The following PLIN3 variants were observed in gnomAD, a reference collection of about 807,000 sequenced individuals.
The protein encoded by PLIN3 is perilipin-3.
A neutral mutation model predicts 35.9 loss-of-function variants in PLIN3; 30 were observed. That is an observed-to-expected ratio of 0.84 (90% confidence interval 0.62 to 1.13). The LOEUF is 1.13. PLIN3 is among the 50% of genes most tolerant of loss of function. The pLI is 0.00. For missense variants in PLIN3, 603 were observed against 596.9 expected, an observed-to-expected ratio of 1.01 and a Z score of -0.11; for synonymous variants, 261 against 262.5, an observed-to-expected ratio of 0.99 and a Z score of 0.06.
rs138348838 is a variant in PLIN3 at position 4,840,827 on chromosome 19, C to T, written c.961-1291G>A. 2.3e-3 allele frequency among the ~76,000 whole-genome samples: 351 copies of T among 152,252 alleles called. 2 individuals carry two copies. Among genetic ancestry groups the T allele is most frequent in the South Asian group, 9.3e-3 (45 of 4,826 alleles). On this transcript the variant is annotated intron_variant, in intron 7 of 7. Transcript: ENST00000221957. ...GGGTGTGGTGGCATGTGCCTATAAT[C>T]CCAGCTACACAGGAAGCTGAGGCAG...
chr19:4,840,709 T>C (rs2029878989), intron 7 of PLIN3, among the ~76,000 whole-genome samples: 1 of 152,156 alleles, frequency 6.6e-6, no homozygotes, highest in South Asian at 2.1e-4. Flanking sequence ...CCCAGCACTT[T>C]GGGAGGCCAA....
intron 4 of PLIN3, among the ~76,000 whole-genome samples, chr19:4,859,317 T>A (rs1367889326): frequency 4.0e-5 from 6 of 151,836 alleles, no homozygotes; most frequent in Non-Finnish European, 2.9e-5. Flanking sequence ...AGGTCAGGAG[T>A]TCGAGACCAG....
At position 4,859,970 on chromosome 19, in the gene PLIN3, T is replaced by C. The variant is rs771518518; in HGVS notation, c.121A>G (p.Met41Val). The C allele has an allele frequency of 1.9e-6, 3 of 1,613,966 alleles. No homozygotes were observed. Among genetic ancestry groups the C allele is most frequent in the African/African-American group, 1.3e-5 (1 of 74,922 alleles). Residue 41 changes from methionine (M) to valine (V), a missense_variant, in exon 3 of 8, where the codon ATG becomes GTG. Physicochemically the swap from Met to Val is conservative, Grantham distance 21. Transcript: ENST00000221957. ...SMPLISSTCDMVSAAYASTKE... is the reference protein window; with the variant it reads ...SMPLISSTCDVVSAAYASTKE... Reference sequence around the variant, plus strand: ...GTGGAGGCATAGGCTGCGGACACCATGTCGCAGGTGGAGCTGATCAGAGGC... The same window carrying C: ...GTGGAGGCATAGGCTGCGGACACCACGTCGCAGGTGGAGCTGATCAGAGGC...
In PLIN3 at chr19:4,847,840, G is replaced by A. The variant is rs377622855; in HGVS notation, c.685C>T (p.Gln229Ter). Residue 229 changes from glutamine to a stop codon, truncating the protein, a stop_gained, in exon 6 of 8, where the codon CAG becomes TAG. Transcript: ENST00000221957. LOFTEE classifies it high-confidence loss of function. ...ACGAAGTAGCTCTGTTCCTGCCGCT[G>A]CTGCTGCACGGACGCGACGTCAAAG... ...DGFDVASVQQ[Q>*]RQEQSYFVRL... 7 of 1,613,858 alleles carry A rather than the reference G, an allele frequency of 4.3e-6. No individual in the cohort carries two copies. Among genetic ancestry groups the A allele is most frequent in the Non-Finnish European group, 5.9e-6 (7 of 1,179,976 alleles).
intron 7 of PLIN3, among the ~76,000 whole-genome samples, chr19:4,839,767 G>A (rs1236269007): frequency 3.1e-4 from 44 of 142,546 alleles, no homozygotes; most frequent in African/African-American, 7.5e-4. Context: ...TCAGGTTCGC[G>A]CCATTCTCCT....
chr19:4,864,565 C>A (rs1331040377), intron 1 of PLIN3, among the ~76,000 whole-genome samples: 1 of 151,852 alleles, frequency 6.6e-6, no homozygotes, highest in African/African-American at 2.4e-5. Flanking sequence ...GATCTGCCCA[C>A]CTTGGCCTCC....
chr19:4,856,228 C>T (rs765283919), intron 4 of PLIN3, among the ~76,000 whole-genome samples: 75 of 152,208 alleles, frequency 4.9e-4, no homozygotes, highest in Non-Finnish European at 9.1e-4. Context: ...TCTGTAACCA[C>T]TGGGCTGAAG....
chr19:4,838,787 G>C lies in PLIN3; in HGVS notation c.*405C>G, dbSNP rs537340606. The C allele has an allele frequency of 6.5e-6, 1 of 153,250 alleles. No homozygotes were observed. The highest frequency in any genetic ancestry group is 2.1e-4 in the South Asian group (1 of 4,842). The allele number at this position is 153,250 out of a possible 1,614,324, so 9.5% of individuals were successfully genotyped here. A position where few individuals can be genotyped will look rare whatever the true frequency, so the allele number is the denominator to read the frequency against. ...GTAGAGACGGGGTTTCACCATGTTG[G>C]CCTGGCTGGTCTCGAACACCTGACC... On this transcript the variant is annotated 3_prime_UTR_variant, in exon 8 of 8. Transcript: ENST00000221957.
At chr19:4,864,179 G>C (rs1347269870) in intron 1 of PLIN3, among the ~76,000 whole-genome samples, 1 of 148,870 alleles carries the variant, frequency 6.7e-6, no homozygotes, top group Non-Finnish European at 1.5e-5. Context: ...TGGACAGGGA[G>C]TCTTGCTCTG....
chr19:4,863,378 T>G (rs1396820225), intron 1 of PLIN3, among the ~76,000 whole-genome samples: 1 of 147,788 alleles, frequency 6.8e-6, no homozygotes, highest in Non-Finnish European at 1.5e-5. Flanking sequence ...ATGCCTGTAA[T>G]CCCAGCTATT....
chr19:4,851,710 A>T (rs978491762), intron 5 of PLIN3, among the ~76,000 whole-genome samples: 1 of 151,754 alleles, frequency 6.6e-6, no homozygotes, highest in Non-Finnish European at 1.5e-5. Flanking sequence ...TGTGACGAGG[A>T]CTTGGGCTTT....
chr19:4,860,099 G>C, intron 2 of PLIN3, 75 bp from the exon 3 acceptor site: 9 of 1,353,650 alleles, frequency 6.6e-6, no homozygotes, highest in Non-Finnish European at 9.4e-6. Context: ...AGGGTGCCCT[G>C]CAGTTTTGCT....
At chr19:4,852,960 A>G (rs1398093455) in intron 4 of PLIN3, among the ~76,000 whole-genome samples, 3 of 151,882 alleles carry the variant, frequency 2.0e-5, no homozygotes, top group African/African-American at 4.8e-5. Flanking sequence ...GATTACAGGC[A>G]TGCGCCACCA....
intron 5 of PLIN3, among the ~76,000 whole-genome samples, chr19:4,850,762 G>T (rs1206875669): frequency 6.6e-6 from 1 of 151,560 alleles, no homozygotes; most frequent in Non-Finnish European, 1.5e-5. Context: ...GTAGAGACCG[G>T]GTTTCACCAT....
chr19:4,860,617 G>A (rs560777254), intron 2 of PLIN3, among the ~76,000 whole-genome samples: 179 of 152,262 alleles, frequency 1.2e-3, no homozygotes, highest in African/African-American at 3.8e-3. Flanking sequence ...GGTCTAAACC[G>A]GGGGCTGTAG....
chr19:4,841,543 G>A (rs1402427097), intron 7 of PLIN3, among the ~76,000 whole-genome samples: 3 of 151,232 alleles, frequency 2.0e-5, no homozygotes, highest in African/African-American at 7.3e-5. Context: ...GAGAACCAGC[G>A]ATGTGTATGC....
intron 5 of PLIN3, among the ~76,000 whole-genome samples, chr19:4,851,237 T>G (rs545806535): frequency 1.3e-5 from 2 of 152,048 alleles, no homozygotes; most frequent in East Asian, 3.9e-4. Context: ...GAGGCCGAGG[T>G]GGGCAGATCA....
At chr19:4,862,378 C>A (rs931608884) in intron 1 of PLIN3, among the ~76,000 whole-genome samples, 1 of 151,904 alleles carries the variant, frequency 6.6e-6, no homozygotes, top group African/African-American at 2.4e-5. Flanking sequence ...GTGATCCGCC[C>A]GCCTCGGCCT....
chr19:4,846,526 C>T (rs762632731), intron 6 of PLIN3, among the ~76,000 whole-genome samples: 1 of 151,758 alleles, frequency 6.6e-6, no homozygotes, highest in East Asian at 1.9e-4. Flanking sequence ...TAGTGAAACC[C>T]CATCTCTACT....
Sources: gnomAD v4.1 joint callset for allele counts (sites outside exome capture counted in the v4.1 genomes callset) on GRCh38, gnomAD v4.1.1 for gene constraint, MANE v1.5 for transcripts, NCBI Gene and HGNC (gene_info 2026-07-23, HGNC 2026-07-21) for gene names.